PHIP: variants seen among roughly 807,000 people sequenced by gnomAD.
The protein encoded by PHIP is PH-interacting protein.
A neutral mutation model predicts 236.8 loss-of-function variants in PHIP; 54 were observed. That is an observed-to-expected ratio of 0.23 (90% confidence interval 0.18 to 0.29). The LOEUF (loss-of-function observed/expected upper bound fraction) is 0.29. Among genes scored for constraint, PHIP ranks in the 10% least tolerant of loss-of-function variants. The pLI, the probability that PHIP is intolerant of heterozygous loss-of-function variation, is 1.00. For synonymous variants in PHIP, 756 were observed against 718.9 expected (o/e 1.05, Z -0.83); for missense variants, 1,370 against 2,190.8 (o/e 0.63, Z 7.48).
chr6:79,064,411 T>C (rs923101759), intron 4 of PHIP, among the ~76,000 whole-genome samples: 4 of 152,198 alleles, frequency 2.6e-5, no homozygotes, highest in African/African-American at 7.2e-5. Flanking sequence ...TTTAAAAGAA[T>C]GGTCCATAGT....
chr6:78,941,083 G>C lies in PHIP; in HGVS notation c.5076C>G (p.Cys1692Trp). 6.2e-7 allele frequency: 1 copy of C among 1,613,976 alleles called. No homozygotes were observed. Among genetic ancestry groups the C allele is most frequent in the Non-Finnish European group, 8.5e-7 (1 of 1,179,930 alleles). The change falls in exon 40 of 40, where the codon TGC becomes TGG. Residue 1692 changes from cysteine to tryptophan, a missense_variant. By Grantham distance (215) the Cys-to-Trp change is radical (BLOSUM62 -2). Coordinates refer to ENST00000275034, the MANE Select transcript of PHIP (RefSeq NM_017934.7). ...IRDEVLPSST[C>W]NFLSETNNVK... Reference sequence around the variant, plus strand: ...CATTATTAGTTTCAGAAAGAAAATTGCATGTTGAAGAAGGAAGTACTTCAT... The same window carrying C: ...CATTATTAGTTTCAGAAAGAAAATTCCATGTTGAAGAAGGAAGTACTTCAT...
chr6:78,998,149 C>A, intron 18 of PHIP, 105 bp downstream of exon 18: 1 of 784,560 alleles, frequency 1.3e-6, no homozygotes. Context: ...CCTAATATTT[C>A]ATTTTACGGA....
chr6:78,994,951 A>T lies in PHIP; in HGVS notation c.2201+2463T>A, dbSNP rs531227375. Among the ~76,000 whole-genome samples the T allele has an allele frequency of 2.8e-4, 43 of 152,362 alleles. 2 individuals are homozygous for T. In the South Asian group the frequency reaches 6.2e-3, roughly 22 times the overall value. On this transcript the variant is annotated intron_variant, in intron 19 of 39. Transcript: ENST00000275034. ...ACAGATTATAGAATAGTATAACCTTAACTTTTATACGCACTTGGAAACAAA... is the reference window on the plus strand; with the variant it reads ...ACAGATTATAGAATAGTATAACCTTTACTTTTATACGCACTTGGAAACAAA...
rs1256861331 is a variant in PHIP at position 78,940,410 on chromosome 6, TCAAA to T, written c.*279_*282del. ...TCATTATAGATCAATTTCTTTCGTT[TCAAA>T]CAGTGAATGAAATGAATGTGAAAAT... is the stretch of plus-strand genomic sequence containing the variant. On this transcript the variant is annotated 3_prime_UTR_variant, in exon 40 of 40. Transcript: ENST00000275034. The T allele has an allele frequency of 1.3e-5, 2 of 153,116 alleles. No homozygotes were observed. The highest frequency in any genetic ancestry group is 4.8e-5 in the African/African-American group (2 of 41,274). 9.5% of individuals were successfully genotyped at this position (153,116 alleles called of 1,614,324 possible). A position where few individuals can be genotyped will look rare whatever the true frequency, so the allele number is the denominator to read the frequency against.
intron 18 of PHIP, 107 bp from the exon 19 acceptor site, chr6:78,997,704 G>A (rs1769712052): frequency 1.1e-6 from 1 of 884,616 alleles, no homozygotes; most frequent in Non-Finnish European, 1.7e-6. Context: ...ACTTCATATT[G>A]TGGCAAAATA....
chr6:78,938,699 A>T lies in PHIP; in HGVS notation c.*1994T>A, dbSNP rs1773360845. 1 of 151,694 alleles carries T rather than the reference A, an allele frequency of 6.6e-6. No homozygotes were observed. Among genetic ancestry groups the T allele is most frequent in the Admixed American group, 6.6e-5 (1 of 15,224 alleles). The allele number at this position is 151,694 out of a possible 1,614,324, so 9.4% of individuals were successfully genotyped here. ...ATAGTTAAATATATTTGTTAGAAAA[A>T]AATAAATATACAAAAAACCTGAAAA... On this transcript the variant is annotated 3_prime_UTR_variant, in exon 40 of 40. Transcript: ENST00000275034.
At chr6:79,043,035 T>G (rs761312539) in intron 6 of PHIP, 32 bp from the exon 7 acceptor site, 1 of 1,556,182 alleles carries the variant, frequency 6.4e-7, no homozygotes, top group Non-Finnish European at 8.8e-7. Flanking sequence ...ATAAATGTAA[T>G]CTGGAAATTA....
intron 24 of PHIP, among the ~76,000 whole-genome samples, chr6:78,972,917 A>C (rs1582140065): frequency 6.6e-6 from 1 of 152,224 alleles, no homozygotes; most frequent in Admixed American, 6.5e-5. Flanking sequence ...TGTACCTGAA[A>C]GTGATGGGGA....
At chr6:79,031,029 C>T (rs1001947910) in intron 7 of PHIP, among the ~76,000 whole-genome samples, 4 of 151,948 alleles carry the variant, frequency 2.6e-5, no homozygotes, top group Non-Finnish European at 5.9e-5. Context: ...CTGCAACCTC[C>T]GCAGCCCAGG....
Position 78,961,701 on chromosome 6 carries a change from G to A in PHIP, c.3645C>T (p.Asn1215=). 1 of 1,612,060 alleles carries A rather than the reference G, an allele frequency of 6.2e-7. No homozygotes were observed. The highest frequency in any genetic ancestry group is 8.5e-7 in the Non-Finnish European group (1 of 1,178,572). Residue 1215 remains asparagine, a synonymous_variant, in exon 31 of 40, where the codon AAC becomes AAT. Transcript: ENST00000275034. The stretch of plus-strand genomic sequence containing the variant: ...CAAATGGTTCTAACCTGTAAAACCT[G>A]TTTTCCAGTCTTTGTTTAATTGTAC... The part of the protein sequence containing the change: ...DLSTIKQRLE[N]RFYRRVSSLM...
chr6:78,973,002 G>A (rs985815262), intron 24 of PHIP, among the ~76,000 whole-genome samples: 6 of 152,076 alleles, frequency 3.9e-5, no homozygotes, highest in Admixed American at 1.3e-4. Context: ...GCAGGCCAAC[G>A]TTGAGATTCA....
At chr6:78,966,107 C>G (rs752414172) in intron 27 of PHIP, 51 bp from the exon 28 acceptor site, 1 of 1,127,982 alleles carries the variant, frequency 8.9e-7, no homozygotes, top group Admixed American at 1.7e-5. Context: ...TGGCTGCTGT[C>G]ACTGCTTTTT....
chr6:79,016,804 A>C (rs1242339732), intron 12 of PHIP, among the ~76,000 whole-genome samples, 162 bp from the exon 13 acceptor site: 1 of 151,976 alleles, frequency 6.6e-6, no homozygotes, highest in Non-Finnish European at 1.5e-5. Context: ...TTTATATGCA[A>C]ACATTCCAAT....
intron 25 of PHIP, among the ~76,000 whole-genome samples, chr6:78,970,572 T>C (rs912151612): frequency 6.6e-6 from 1 of 152,130 alleles, no homozygotes; most frequent in Admixed American, 6.5e-5. Context: ...ACCCAACCCA[T>C]AAACTGCATT....
chr6:78,971,361 T>G (rs1021133950), intron 24 of PHIP, among the ~76,000 whole-genome samples: 1 of 152,220 alleles, frequency 6.6e-6, no homozygotes, highest in Non-Finnish European at 1.5e-5. Flanking sequence ...CAAATTTAAG[T>G]GACTCCTGAC....
At chr6:78,984,030 C>A (rs929033781) in intron 22 of PHIP, among the ~76,000 whole-genome samples, 7 of 151,984 alleles carry the variant, frequency 4.6e-5, no homozygotes, top group African/African-American at 1.7e-4. Context: ...ATTAGCTTTC[C>A]CAGATTTAAT....
Position 79,078,171 on chromosome 6 carries a change from G to T in PHIP, c.-103C>A. 2 of 1,160,532 alleles carry T rather than the reference G, an allele frequency of 1.7e-6. No homozygotes were observed. The highest frequency in any genetic ancestry group is 2.5e-6 in the Non-Finnish European group (2 of 813,404). The allele number at this position is 1,160,532 out of a possible 1,614,324, so 71.9% of individuals were successfully genotyped here. ...TATAGCTGTCAGTGTGTGTTCACGA[G>T]CCGAGCTTCGGCTCCACCATTCAAG... On this transcript the variant is annotated 5_prime_UTR_variant, in exon 1 of 40. Transcript: ENST00000275034.
In PHIP at chr6:79,077,685, C is replaced by T. The variant is rs999204670; in HGVS notation, c.129+15G>A. Reference sequence around the variant, plus strand: ...CGCGCGGCGGCGGGACGCGCCGGGCCGCCGCCGCCCTTACCTCCTTCTCGG... The same window carrying T: ...CGCGCGGCGGCGGGACGCGCCGGGCTGCCGCCGCCCTTACCTCCTTCTCGG... On this transcript the variant is annotated intron_variant, in intron 3 of 39. Coordinates refer to ENST00000275034, the MANE Select transcript of PHIP (RefSeq NM_017934.7). 24 of 986,074 alleles carry T rather than the reference C, an allele frequency of 2.4e-5. No individual in the cohort carries two copies. The highest frequency in any genetic ancestry group is 2.4e-6 in the Non-Finnish European group (2 of 832,740). The allele number at this position is 986,074 out of a possible 1,614,324, so 61.1% of individuals were successfully genotyped here.
intron 6 of PHIP, among the ~76,000 whole-genome samples, chr6:79,058,055 G>A (rs942438670): frequency 1.3e-5 from 2 of 151,928 alleles, no homozygotes; most frequent in African/African-American, 4.8e-5. Context: ...GGCAAAATGG[G>A]CAATCCACTA....
Sources: allele counts gnomAD v4.1 joint callset (sites outside exome capture counted in the v4.1 genomes callset), GRCh38; gene constraint gnomAD v4.1.1; transcripts MANE v1.5; gene names NCBI Gene and HGNC (gene_info 2026-07-23, HGNC 2026-07-21).